Variants in SMURF1 observed in about 807,000 individuals in gnomAD.
SMURF1 encodes the protein E3 ubiquitin-protein ligase SMURF1.
Under a neutral mutation model 98.0 loss-of-function variants are expected in SMURF1, and 44 were observed. The observed-to-expected ratio is 0.45, with a 90% CI of 0.35 to 0.58. The LOEUF (loss-of-function observed/expected upper bound fraction) is 0.58. Among genes scored for constraint, SMURF1 ranks in the 20% least tolerant of loss-of-function variants. SMURF1 has a pLI of 0.00. For synonymous variants in SMURF1, 396 were observed against 374.9 expected (o/e 1.06, Z -0.65); for missense variants, 687 against 938.4 (o/e 0.73, Z 3.50).
In SMURF1 at chr7:99,092,703, A is replaced by C. The variant is rs540865030; in HGVS notation, c.56-30866T>G. 9.9e-4 allele frequency among the ~76,000 whole-genome samples: 151 copies of C among 152,318 alleles called. 3 individuals carry two copies. Among genetic ancestry groups the C allele is most frequent in the East Asian group, 6.2e-3 (32 of 5,180 alleles). ...GCCTTGCAAAGAAAATGCATGGATT[A>C]GGGAAATTTTGTTCAGGCACGAGTG... is the stretch of plus-strand genomic sequence containing the variant. On this transcript the variant is annotated intron_variant, in intron 1 of 17. Transcript: ENST00000361368.
At chr7:99,060,207 A>G (rs1230301479) in intron 3 of SMURF1, among the ~76,000 whole-genome samples, 2 of 151,840 alleles carry the variant, frequency 1.3e-5, no homozygotes, top group East Asian at 2.0e-4. Context: ...GTGAAACCCC[A>G]TCTCTACTAA....
chr7:99,090,834 A>G (rs1467264167), intron 1 of SMURF1, among the ~76,000 whole-genome samples: 1 of 152,190 alleles, frequency 6.6e-6, no homozygotes, highest in Non-Finnish European at 1.5e-5. Flanking sequence ...CCTGCCCACA[A>G]GGTTATAATG....
intron 17 of SMURF1, 82 bp from the exon 18 acceptor site, chr7:99,030,765 G>T: frequency 6.4e-6 from 6 of 944,530 alleles, no homozygotes; most frequent in Non-Finnish European, 1.0e-5. Flanking sequence ...GCAGTGAGAA[G>T]TATATGTGGG....
intron 1 of SMURF1, 87 bp downstream of exon 1, chr7:99,143,639 G>A: frequency 1.7e-6 from 2 of 1,192,124 alleles, no homozygotes; most frequent in Non-Finnish European, 2.3e-6. Context: ...CGGCGTGGGG[G>A]AGGGCCGCTT....
chr7:99,043,481 A>C (rs965388038), intron 11 of SMURF1, among the ~76,000 whole-genome samples: 1 of 152,174 alleles, frequency 6.6e-6, no homozygotes, highest in Non-Finnish European at 1.5e-5. Context: ...GCATCATGTC[A>C]GTCAAGGGAA....
chr7:99,060,543 G>A, intron 3 of SMURF1, 56 bp downstream of exon 3: 1 of 1,214,956 alleles, frequency 8.2e-7, no homozygotes, highest in Non-Finnish European at 1.2e-6. Flanking sequence ...TCTCGTAAAA[G>A]GTAGACACCT....
At position 99,057,565 on chromosome 7, in the gene SMURF1, G is replaced by A. The variant is rs375345296; in HGVS notation, c.204-14C>T. ...TTCCCAACATATCTGGAAAGAAAGTGCAAAACTCATTTTTAATTGTGTTTG... is the reference window on the plus strand; with the variant it reads ...TTCCCAACATATCTGGAAAGAAAGTACAAAACTCATTTTTAATTGTGTTTG... On this transcript the variant is annotated splice_polypyrimidine_tract_variant and intron_variant, in intron 3 of 17. Coordinates refer to ENST00000361368, the MANE Select transcript of SMURF1 (RefSeq NM_181349.3). The A allele has an allele frequency of 7.3e-6, 11 of 1,514,236 alleles. No homozygotes were observed. The African/African-American group carries it at 1.4e-4, about 20-fold the overall frequency. The allele number at this position is 1,514,236 out of a possible 1,614,324, so 93.8% of individuals were successfully genotyped here.
Position 99,033,102 on chromosome 7 carries a change from C to T in SMURF1, c.2031G>A (p.Gly677=). 2.5e-6 allele frequency: 4 copies of T among 1,584,104 alleles called. No homozygotes were observed. The highest frequency in any genetic ancestry group is 3.4e-6 in the Non-Finnish European group (4 of 1,164,364). ...KALQGSTGAA[G]PRLFTIHLID... The stretch of plus-strand genomic sequence containing the variant: ...TCAGGTGGATGGTGAACAGCCGGGG[C>T]CCTGCCGCGCCTGTAGAACCTTACA... The change falls in exon 17 of 18, where the codon GGG becomes GGA. Residue 677 remains glycine, a synonymous_variant. Coordinates refer to ENST00000361368, the MANE Select transcript of SMURF1 (RefSeq NM_181349.3).
intron 1 of SMURF1, among the ~76,000 whole-genome samples, chr7:99,136,365 T>A (rs1797992637): frequency 6.6e-6 from 1 of 152,212 alleles, no homozygotes; most frequent in African/African-American, 2.4e-5. Context: ...CAGACTTTCA[T>A]TTTCGTATCC....
chr7:99,065,010 A>C (rs1796152983), intron 1 of SMURF1, among the ~76,000 whole-genome samples: 1 of 152,230 alleles, frequency 6.6e-6, no homozygotes, highest in South Asian at 2.1e-4. Context: ...TAAATGAGGA[A>C]AATTTTTACC....
rs1163095949 is a variant in SMURF1 at position 99,118,647 on chromosome 7, A to G, written c.55+25079T>C. Reference sequence around the variant, plus strand: ...GTAAAGCCTAGGGTTGGGGGAACAGAAAGTGACTGCTAAATGAGTATTGGG... The same window carrying G: ...GTAAAGCCTAGGGTTGGGGGAACAGGAAGTGACTGCTAAATGAGTATTGGG... On this transcript the variant is annotated intron_variant, in intron 1 of 17. Transcript: ENST00000361368. Among the ~76,000 whole-genome samples, 3 of 152,204 alleles carry G rather than the reference A, an allele frequency of 2.0e-5. No individual in the cohort carries two copies. The East Asian group carries it at 5.8e-4, about 29-fold the overall frequency.
At chr7:99,039,434 C>T (rs1414877253) in intron 13 of SMURF1, among the ~76,000 whole-genome samples, 1 of 151,914 alleles carries the variant, frequency 6.6e-6, no homozygotes, top group Non-Finnish European at 1.5e-5. Context: ...CAACCTCTGC[C>T]TCCTGGGTTG....
intron 1 of SMURF1, among the ~76,000 whole-genome samples, chr7:99,077,971 T>C (rs770585681): frequency 6.6e-6 from 1 of 152,152 alleles, no homozygotes; most frequent in African/African-American, 2.4e-5. Context: ...ATCTGAAATC[T>C]TGTGGCTTTT....
At chr7:99,084,171 G>C (rs1233311066) in intron 1 of SMURF1, among the ~76,000 whole-genome samples, 1 of 152,138 alleles carries the variant, frequency 6.6e-6, no homozygotes, top group Admixed American at 6.5e-5. Context: ...CCAATGTCTA[G>C]AGCCAACAAT....
chr7:99,054,698 G>A, intron 6 of SMURF1, 92 bp downstream of exon 6: 1 of 1,020,818 alleles, frequency 9.8e-7, no homozygotes, highest in Non-Finnish European at 1.5e-6. Context: ...GCATTCTGCA[G>A]AGTGACTTAA....
chr7:99,082,950 C>T (rs996731150), intron 1 of SMURF1, among the ~76,000 whole-genome samples: 1 of 152,108 alleles, frequency 6.6e-6, no homozygotes, highest in African/African-American at 2.4e-5. Flanking sequence ...ATACTTCTTT[C>T]ATTGAATTTA....
At chr7:99,060,971 G>A (rs1451089238) in intron 2 of SMURF1, among the ~76,000 whole-genome samples, 1 of 151,940 alleles carries the variant, frequency 6.6e-6, no homozygotes, top group East Asian at 1.9e-4. Context: ...GTGTCTGAAA[G>A]TAATTGTATT....
At chr7:99,055,550 T>G (rs1344089257) in intron 5 of SMURF1, among the ~76,000 whole-genome samples, 1 of 152,094 alleles carries the variant, frequency 6.6e-6, no homozygotes, top group African/African-American at 2.4e-5. Context: ...TTGCCCAGGC[T>G]GGCCTCAAAC....
intron 8 of SMURF1, chr7:99,050,895 G>C (rs74768427): frequency 6.5e-4 from 37 of 56,644 alleles, no homozygotes; most frequent in South Asian, 1.1e-3. Flanking sequence ...GTTATGGGGT[G>C]GGGGGGGGGT....
Sources: gnomAD v4.1 joint callset for allele counts (sites outside exome capture counted in the v4.1 genomes callset) on GRCh38, gnomAD v4.1.1 for gene constraint, MANE v1.5 for transcripts, NCBI Gene and HGNC (gene_info 2026-07-23, HGNC 2026-07-21) for gene names.